The following UBE3C variants were observed in gnomAD, a reference collection of about 807,000 sequenced individuals.
UBE3C encodes ubiquitin-protein ligase E3C.
In UBE3C, 42 loss-of-function variants were observed where a neutral mutation model predicts 129.4. The observed-to-expected ratio is 0.32, with a 90% CI of 0.25 to 0.42. UBE3C has a LOEUF of 0.42. Among genes scored for constraint, UBE3C ranks in the 10% least tolerant of loss-of-function variants. The probability of loss-of-function intolerance (pLI) is 1.00; values close to 1 mark genes in which losing one functional copy is unlikely to be tolerated. For missense variants in UBE3C, 1,049 were observed against 1,319.1 expected, an observed-to-expected ratio of 0.80 and a Z score of 3.17; for synonymous variants, 510 against 492.4, an observed-to-expected ratio of 1.04 and a Z score of -0.47.
At chr7:157,260,736 A>G (rs1416071875) in intron 22 of UBE3C, among the ~76,000 whole-genome samples, 3 of 152,216 alleles carry the variant, frequency 2.0e-5, no homozygotes, top group Non-Finnish European at 2.9e-5. Flanking sequence ...TGCTCCCATC[A>G]AAACACTGGA....
chr7:157,174,833 A>G, intron 4 of UBE3C, 86 bp from the exon 5 acceptor site: 1 of 946,296 alleles, frequency 1.1e-6, no homozygotes, highest in Non-Finnish European at 1.6e-6. Context: ...GTGCATTGCC[A>G]CTAAAGGAAA....
intron 3 of UBE3C, among the ~76,000 whole-genome samples, chr7:157,169,532 C>T (rs927366440): frequency 1.3e-5 from 2 of 152,058 alleles, no homozygotes; most frequent in African/African-American, 2.4e-5. Context: ...TGTGCCACCA[C>T]GTGCAGCTGA....
At chr7:157,260,873 A>G (rs575506059) in intron 22 of UBE3C, among the ~76,000 whole-genome samples, 2 of 152,334 alleles carry the variant, frequency 1.3e-5, no homozygotes, top group South Asian at 4.1e-4. Flanking sequence ...AGAGCCAGCA[A>G]TAACGTGTGC....
At chr7:157,231,397 T>G (rs1796018862) in intron 18 of UBE3C, 70 bp downstream of exon 18, 8 of 1,571,806 alleles carry the variant, frequency 5.1e-6, no homozygotes, top group Non-Finnish European at 6.9e-6. Flanking sequence ...TATGTGTGGT[T>G]GTTATCCAGG....
At position 157,248,606 on chromosome 7, in the gene UBE3C, A is replaced by T. The variant is rs370380478; in HGVS notation, c.2694+26A>T. 2.5e-6 allele frequency: 4 copies of T among 1,607,828 alleles called. No individual in the cohort carries two copies. In the East Asian group the frequency reaches 8.9e-5, roughly 36 times the overall value. ...GTGAGGGGTCAGGAGGAGGATTCAC[A>T]TACCTGTATAGCAAGTAGCAGCATC... On this transcript the variant is annotated intron_variant, in intron 19 of 22. Coordinates refer to ENST00000348165, the MANE Select transcript of UBE3C (RefSeq NM_014671.3).
intron 10 of UBE3C, among the ~76,000 whole-genome samples, chr7:157,190,453 A>G (rs923879906): frequency 7.2e-5 from 11 of 152,184 alleles, no homozygotes; most frequent in Admixed American, 1.3e-4. Flanking sequence ...ATACAAGCAC[A>G]GACTCAGGTC....
At chr7:157,192,940 A>G (rs1298325126) in intron 10 of UBE3C, 1 of 632,092 alleles carries the variant, frequency 1.6e-6, no homozygotes, top group African/African-American at 1.8e-5. Flanking sequence ...TTTAATTTAA[A>G]CTGTAGCATG....
Position 157,207,786 on chromosome 7 carries a change from C to G in UBE3C, c.1660C>G (p.Leu554Val), listed in dbSNP as rs1809475038. Residue 554 changes from leucine (L) to valine (V), a missense_variant, in exon 13 of 23, where the codon CTG (leucine) becomes GTG (valine). Physicochemically the swap from Leu to Val is conservative, Grantham distance 32. Transcript: ENST00000348165. ...GTCTCGATGCCTTCGAGATGCATGCCTGGGGATCATCAAGTTGGCTTATCC... is the reference window on the plus strand; with the variant it reads ...GTCTCGATGCCTTCGAGATGCATGCGTGGGGATCATCAAGTTGGCTTATCC... ...MLSRCLRDAC[L>V]GIIKLAYPET... 1.2e-6 allele frequency: 2 copies of G among 1,614,074 alleles called. No homozygotes were observed. The highest frequency in any genetic ancestry group is 1.7e-6 in the Non-Finnish European group (2 of 1,180,018).
intron 13 of UBE3C, 120 bp downstream of exon 13, chr7:157,208,055 CTT>C (rs35366316): frequency 1.8e-4 from 17 of 93,684 alleles, no homozygotes; most frequent in South Asian, 5.7e-4. Context: ...ATTTGCAAGA[CTT>C]TTTTTTTTTT....
intron 18 of UBE3C, among the ~76,000 whole-genome samples, chr7:157,245,992 CAAAAAAAAAA>C (rs56270719): frequency 1.2e-5 from 1 of 85,612 alleles, no homozygotes; most frequent in Non-Finnish European, 2.2e-5. Flanking sequence ...GACTCCGTCT[CAAAAAAAAAA>C]AAAAAAAAAA....
At chr7:157,140,906 C>T (rs1807427048) in intron 1 of UBE3C, among the ~76,000 whole-genome samples, 1 of 152,194 alleles carries the variant, frequency 6.6e-6, no homozygotes, top group African/African-American at 2.4e-5. Flanking sequence ...CAGTCAGGTT[C>T]ACAAACACTA....
At chr7:157,265,773 G>A (rs3802103) in intron 22 of UBE3C, among the ~76,000 whole-genome samples, 8,477 of 152,242 alleles carry the variant, frequency 0.056, 599 homozygotes, top group African/African-American at 0.16. Context: ...CACTTAAGAC[G>A]CTGAAGCGTT....
At position 157,216,819 on chromosome 7, in the gene UBE3C, G is replaced by T. The variant is rs755075986; in HGVS notation, c.1810-48G>T. 6.2e-6 allele frequency: 9 copies of T among 1,447,892 alleles called. No individual in the cohort carries two copies. In the South Asian group the frequency reaches 9.3e-5, roughly 15 times the overall value. The allele number at this position is 1,447,892 out of a possible 1,614,324, so 89.7% of individuals were successfully genotyped here. The stretch of plus-strand genomic sequence containing the variant: ...GTGAATGTATGGCTCACTGTGCATT[G>T]TGCTGCCGAGCTCACGTGTGTGACG... On this transcript the variant is annotated intron_variant, in intron 13 of 22. Coordinates refer to ENST00000348165, the MANE Select transcript of UBE3C (RefSeq NM_014671.3).
At chr7:157,171,366 GATCCTCCCACCTC>G (rs1563038751) in intron 4 of UBE3C, among the ~76,000 whole-genome samples, 1 of 150,424 alleles carries the variant, frequency 6.6e-6, no homozygotes, top group African/African-American at 2.4e-5. Flanking sequence ...GGCCTCAAGT[GATCCTCCCACCTC>G]ATCCTCCCAA....
intron 22 of UBE3C, among the ~76,000 whole-genome samples, chr7:157,259,851 G>C (rs940262513): frequency 6.6e-6 from 1 of 152,148 alleles, no homozygotes. Context: ...AGTAAGTCAA[G>C]TACACCTCAA....
At chr7:157,239,444 C>G (rs1365871193) in intron 18 of UBE3C, among the ~76,000 whole-genome samples, 1 of 152,184 alleles carries the variant, frequency 6.6e-6, no homozygotes, top group Non-Finnish European at 1.5e-5. Flanking sequence ...GAGGGTAACA[C>G]TGGAAGGGGG....
At chr7:157,217,275 A>G (rs1795607447) in intron 14 of UBE3C, 1 of 228,796 alleles carries the variant, frequency 4.4e-6, no homozygotes, top group Non-Finnish European at 8.6e-6. Context: ...TAGTATTAAT[A>G]TATGTCTAGT....
chr7:157,201,657 TTAA>T, intron 10 of UBE3C, 61 bp from the exon 11 acceptor site: 1 of 648,344 alleles, frequency 1.5e-6, no homozygotes, highest in South Asian at 2.7e-5. Flanking sequence ...TTTTTTTTTT[TTAA>T]GAAATGTTTT....
rs1206399589 is a variant in UBE3C at position 157,164,300 on chromosome 7, G to A, written c.120+437G>A. The A allele has an allele frequency of 8.8e-6, 4 of 454,462 alleles. No homozygotes were observed. In the East Asian group the frequency reaches 2.1e-4, roughly 24 times the overall value. 28.2% of individuals were successfully genotyped at this position (454,462 alleles called of 1,614,324 possible). ...TAGCCTCCTGTAGCTGGGACTACAGGTGCATGCCACCATGCCCAGCTAATT... is the reference window on the plus strand; with the variant it reads ...TAGCCTCCTGTAGCTGGGACTACAGATGCATGCCACCATGCCCAGCTAATT... On this transcript the variant is annotated intron_variant, in intron 2 of 22. Transcript: ENST00000348165.
Sources: gnomAD v4.1 joint callset for allele counts (sites outside exome capture counted in the v4.1 genomes callset) on GRCh38, gnomAD v4.1.1 for gene constraint, MANE v1.5 for transcripts, NCBI Gene and HGNC (gene_info 2026-07-23, HGNC 2026-07-21) for gene names.